The following FOXK2 variants were observed in gnomAD, a reference collection of about 807,000 sequenced individuals.
The protein encoded by FOXK2 is forkhead box K2.
In FOXK2, 24 loss-of-function variants were observed where a neutral mutation model predicts 53.3. The ratio of observed to expected loss-of-function variants is 0.45; its 90% CI spans 0.33 to 0.63. The LOEUF (loss-of-function observed/expected upper bound fraction) is 0.63. Ranked by LOEUF, FOXK2 falls within the 30% of genes least tolerant of loss-of-function variation. The probability of loss-of-function intolerance (pLI) is 0.03; values close to 1 mark genes in which losing one functional copy is unlikely to be tolerated. For missense variants in FOXK2, 952 were observed against 910.5 expected (o/e 1.05, Z -0.59); for synonymous variants, 505 against 407.1 (o/e 1.24, Z -2.89).
rs556018185 is a variant in FOXK2 at position 82,596,606 on chromosome 17, A to C, written c.1787-4697A>C. On this transcript the variant is annotated intron_variant, in intron 8 of 8. Coordinates refer to ENST00000335255, the MANE Select transcript of FOXK2 (RefSeq NM_004514.4). ...CTCCTGCAGCCTCATCAAGTCTCCC[A>C]CTAAGGAGGTGTCGCTCCTCCAACT... Among the ~76,000 whole-genome samples, 7 of 152,350 alleles carry C rather than the reference A, an allele frequency of 4.6e-5. No homozygotes were observed. In the South Asian group the frequency reaches 1.4e-3, roughly 32 times the overall value.
intron 8 of FOXK2, among the ~76,000 whole-genome samples, chr17:82,591,854 T>C (rs1226383826): frequency 6.6e-6 from 1 of 152,122 alleles, no homozygotes; most frequent in Non-Finnish European, 1.5e-5. Context: ...GCAGGCGCTG[T>C]TTCTGGTTTA....
intron 1 of FOXK2, among the ~76,000 whole-genome samples, chr17:82,556,558 TGCTGGGGCTGGGGCTGGG>T (rs372908472): frequency 6.2e-5 from 9 of 144,664 alleles, no homozygotes; most frequent in East Asian, 2.3e-4. Context: ...TCCCTCACCT[TGCTGGGGCTGGGGCTGGG>T]GCTGGGGCTG....
intron 8 of FOXK2, 112 bp from the exon 9 acceptor site, chr17:82,601,191 C>G: frequency 8.6e-7 from 1 of 1,169,522 alleles, no homozygotes; most frequent in Non-Finnish European, 1.2e-6. Context: ...GGCGAGAGTT[C>G]ACATGAGAGC....
chr17:82,563,586 TC>T, intron 2 of FOXK2, 38 bp downstream of exon 2: 3 of 1,568,028 alleles, frequency 1.9e-6, no homozygotes, highest in Non-Finnish European at 2.6e-6. Flanking sequence ...GCATCCTTAG[TC>T]CCAGTGGCAG....
chr17:82,559,225 G>A, intron 1 of FOXK2: 1 of 391,024 alleles, frequency 2.6e-6, no homozygotes. Flanking sequence ...GGTGTCCTGA[G>A]TGTCTGTATG....
intron 8 of FOXK2, among the ~76,000 whole-genome samples, chr17:82,597,852 G>A (rs946044128): frequency 1.3e-5 from 2 of 152,152 alleles, no homozygotes; most frequent in Non-Finnish European, 2.9e-5. Flanking sequence ...GTTGCACCAC[G>A]TTGGCCAGGC....
intron 4 of FOXK2, 61 bp downstream of exon 4, chr17:82,571,931 G>A (rs1001400053): frequency 1.0e-5 from 15 of 1,452,524 alleles, no homozygotes; most frequent in African/African-American, 5.9e-5. Flanking sequence ...AAAGTGGAGC[G>A]GCTGCTGTCT....
intron 1 of FOXK2, chr17:82,559,575 C>T: frequency 2.3e-6 from 1 of 435,316 alleles, no homozygotes; most frequent in Non-Finnish European, 4.7e-6. Flanking sequence ...GGGTGGGAGT[C>T]TAGGGTGGCT....
At chr17:82,586,353 C>T (rs867528423) in intron 7 of FOXK2, among the ~76,000 whole-genome samples, 153 bp downstream of exon 7, 2 of 23,658 alleles carry the variant, frequency 8.5e-5, no homozygotes, top group Admixed American at 6.3e-4. Flanking sequence ...CAAAGGTAGG[C>T]GGAGGGGAAA....
rs1333473887 is a variant in FOXK2, at chr17:82,603,174, A to G, written c.*1675A>G. 1 of 152,396 alleles carries G rather than the reference A, an allele frequency of 6.6e-6. No individual in the cohort carries two copies. The highest frequency in any genetic ancestry group is 1.5e-5 in the Non-Finnish European group (1 of 68,060). 9.4% of individuals were successfully genotyped at this position (152,396 alleles called of 1,614,324 possible). A position where few individuals can be genotyped will look rare whatever the true frequency, so the allele number is the denominator to read the frequency against. ...ACTCAGCCGTTTAAGAAATAAAAGCAAAACCATCACGTGACTGAGACCGTG... is the reference window on the plus strand; with the variant it reads ...ACTCAGCCGTTTAAGAAATAAAAGCGAAACCATCACGTGACTGAGACCGTG... On this transcript the variant is annotated 3_prime_UTR_variant, in exon 9 of 9. Transcript: ENST00000335255.
At chr17:82,529,067 G>C (rs750603970) in intron 1 of FOXK2, among the ~76,000 whole-genome samples, 36 of 152,210 alleles carry the variant, frequency 2.4e-4, no homozygotes, top group Non-Finnish European at 4.8e-4. Flanking sequence ...GCCGCCTGTT[G>C]CGTAGCAACC....
intron 1 of FOXK2, among the ~76,000 whole-genome samples, chr17:82,552,871 C>T (rs2044689789): frequency 6.6e-6 from 1 of 152,158 alleles, no homozygotes; most frequent in Non-Finnish European, 1.5e-5. Flanking sequence ...GGCTCCAAAC[C>T]GGAGAGGTGC....
In FOXK2 at chr17:82,562,062, G is replaced by A. The variant is rs1287351130; in HGVS notation, c.420-1292G>A. Among the ~76,000 whole-genome samples, 10 of 152,328 alleles carry A rather than the reference G, an allele frequency of 6.6e-5. No homozygotes were observed. In the East Asian group the frequency reaches 9.7e-4, roughly 15 times the overall value. On this transcript the variant is annotated intron_variant, in intron 1 of 8. Coordinates refer to ENST00000335255, the MANE Select transcript of FOXK2 (RefSeq NM_004514.4). The stretch of plus-strand genomic sequence containing the variant: ...TGTTGTTGAACTGGGTTCGTGGTGG[G>A]GACTTAGAGACTCTCAGAGTCTATG...
rs569469187 is a variant in FOXK2, at chr17:82,602,321, GTTGT to G, written c.*829_*832del. 1.3e-5 allele frequency: 2 copies of G among 152,166 alleles called. No individual in the cohort carries two copies. The highest frequency in any genetic ancestry group is 2.9e-5 in the Non-Finnish European group (2 of 68,034). The allele number at this position is 152,166 out of a possible 1,614,324, so 9.4% of individuals were successfully genotyped here. A position where few individuals can be genotyped will look rare whatever the true frequency, so the allele number is the denominator to read the frequency against. On this transcript the variant is annotated 3_prime_UTR_variant, in exon 9 of 9. Coordinates refer to ENST00000335255, the MANE Select transcript of FOXK2 (RefSeq NM_004514.4). ...ACTGTTCTCTTTCTGGCTATTTTTT[GTTGT>G]TTGTTTCTTTGTGTTGACTTTGTCC...
At chr17:82,527,356 C>T (rs941055056) in intron 1 of FOXK2, among the ~76,000 whole-genome samples, 27 of 152,102 alleles carry the variant, frequency 1.8e-4, no homozygotes, top group Admixed American at 6.6e-5. Flanking sequence ...TGGCTGGGCC[C>T]GGTGGCTCTT....
Position 82,550,514 on chromosome 17 carries a change from T to TC in FOXK2, c.420-12840_420-12839insC, listed in dbSNP as rs2044665596. On this transcript the variant is annotated intron_variant, in intron 1 of 8. Transcript: ENST00000335255. Reference sequence around the variant, plus strand: ...CTTCTGAGGCGGGCTTTTTTTTTTTTTTTTTTGAGATGGAGTCTTGCTCTG... The same window carrying TC: ...CTTCTGAGGCGGGCTTTTTTTTTTTTCTTTTTTGAGATGGAGTCTTGCTCTG... 7.3e-5 allele frequency among the ~76,000 whole-genome samples: 11 copies of TC among 151,170 alleles called. No homozygotes were observed. The South Asian group carries it at 2.3e-3, about 32-fold the overall frequency.
intron 3 of FOXK2, among the ~76,000 whole-genome samples, chr17:82,569,428 G>T (rs2044888856): frequency 6.6e-6 from 1 of 152,176 alleles, no homozygotes. Flanking sequence ...CAAAACTGTG[G>T]TCACTCTAAG....
At chr17:82,570,081 G>T (rs567158174) in intron 3 of FOXK2, among the ~76,000 whole-genome samples, 13 of 152,080 alleles carry the variant, frequency 8.5e-5, no homozygotes, top group Admixed American at 7.9e-4. Context: ...AATTAGCTGG[G>T]CGTGTTGGCA....
intron 1 of FOXK2, among the ~76,000 whole-genome samples, chr17:82,537,248 A>G (rs545507965): frequency 1.3e-5 from 2 of 152,324 alleles, no homozygotes; most frequent in Admixed American, 1.3e-4. Context: ...TATGATGCTT[A>G]TAGTCTTTCT....
Sources: allele counts gnomAD v4.1 joint callset (sites outside exome capture counted in the v4.1 genomes callset), GRCh38; gene constraint gnomAD v4.1.1; transcripts MANE v1.5; gene names NCBI Gene and HGNC (gene_info 2026-07-23, HGNC 2026-07-21).